Variants in SIPA1L1 observed in about 807,000 individuals in gnomAD.
The protein encoded by SIPA1L1 is signal-induced proliferation-associated 1-like protein 1.
Under a neutral mutation model 162.7 loss-of-function variants are expected in SIPA1L1, and 26 were observed. The observed-to-expected ratio is 0.16, with a 90% CI of 0.12 to 0.22. The LOEUF (loss-of-function observed/expected upper bound fraction) is 0.22. Ranked by LOEUF, SIPA1L1 falls within the 10% of genes least tolerant of loss-of-function variation. The pLI is 1.00. For missense variants in SIPA1L1, 1,874 were observed against 2,241.0 expected (o/e 0.84, Z 3.31); for synonymous variants, 829 against 837.4 (o/e 0.99, Z 0.17).
chr14:71,672,762 G>A (rs2044664657), intron 12 of SIPA1L1, 140 bp downstream of exon 12: 1 of 972,402 alleles, frequency 1.0e-6, no homozygotes, highest in Admixed American at 2.6e-5. Flanking sequence ...TTCATCCATG[G>A]AGTCTGACTC....
intron 8 of SIPA1L1, among the ~76,000 whole-genome samples, chr14:71,652,074 C>T (rs1203717668): frequency 2.6e-5 from 4 of 152,180 alleles, no homozygotes; most frequent in African/African-American, 9.7e-5. Flanking sequence ...TCAAAGAATC[C>T]TTCTGTCCTT....
At chr14:71,628,278 C>T (rs1441698467) in intron 7 of SIPA1L1, among the ~76,000 whole-genome samples, 1 of 152,320 alleles carries the variant, frequency 6.6e-6, no homozygotes, top group African/African-American at 2.4e-5. Context: ...ACCTATATTT[C>T]ATCTACTCTG....
At chr14:71,521,149 G>A (rs2052314206) in intron 3 of SIPA1L1, among the ~76,000 whole-genome samples, 1 of 152,164 alleles carries the variant, frequency 6.6e-6, no homozygotes, top group Non-Finnish European at 1.5e-5. Flanking sequence ...TTATGTTGTA[G>A]GGGAGAAAGA....
chr14:71,615,985 G>A (rs2038792690), intron 5 of SIPA1L1, among the ~76,000 whole-genome samples: 1 of 152,150 alleles, frequency 6.6e-6, no homozygotes, highest in South Asian at 2.1e-4. Flanking sequence ...GACAGAGTGA[G>A]ACTCTGTCTC....
chr14:71,341,167 A>G (rs386472419), intron 2 of SIPA1L1, among the ~76,000 whole-genome samples: 33 of 152,348 alleles, frequency 2.2e-4, no homozygotes, highest in South Asian at 1.4e-3. Context: ...GATGCTTTTA[A>G]TATGAATAGC....
At chr14:71,334,999 G>A (rs1594866607) in intron 2 of SIPA1L1, among the ~76,000 whole-genome samples, 1 of 152,256 alleles carries the variant, frequency 6.6e-6, no homozygotes, top group East Asian at 1.9e-4. Flanking sequence ...CCAGTTGATT[G>A]TTCCTTTAAG....
chr14:71,501,639 A>G (rs1215645314), intron 2 of SIPA1L1, among the ~76,000 whole-genome samples: 1 of 152,186 alleles, frequency 6.6e-6, no homozygotes, highest in Non-Finnish European at 1.5e-5. Flanking sequence ...ATCGAGTAGT[A>G]GTTACAGTGG....
intron 2 of SIPA1L1, among the ~76,000 whole-genome samples, chr14:71,426,339 CTT>C (rs1205102187): frequency 3.3e-5 from 5 of 151,348 alleles, no homozygotes; most frequent in Non-Finnish European, 7.4e-5. Flanking sequence ...TAACTGTTGA[CTT>C]TTGTATTTGT....
At position 71,537,019 on chromosome 14, in the gene SIPA1L1, A is replaced by C. The variant is rs534067305; in HGVS notation, c.-303+7649A>C. Among the ~76,000 whole-genome samples, 4 of 152,228 alleles carry C rather than the reference A, an allele frequency of 2.6e-5. No individual in the cohort carries two copies. The South Asian group carries it at 8.3e-4, about 32-fold the overall frequency. Reference sequence around the variant, plus strand: ...GTTCTGAACTCTTGTCTTCTTATGCACAATGTTAGGGTTGTGCATGGGTTG... The same window carrying C: ...GTTCTGAACTCTTGTCTTCTTATGCCCAATGTTAGGGTTGTGCATGGGTTG... On this transcript the variant is annotated intron_variant, in intron 4 of 23. Transcript: ENST00000381232.
chr14:71,672,539 T>C lies in SIPA1L1; in HGVS notation c.3021T>C (p.His1007=), dbSNP rs2044637502. The change falls in exon 12 of 24, where the codon CAT becomes CAC. Residue 1007 remains histidine (H), a synonymous_variant. Coordinates refer to ENST00000381232, the MANE Select transcript of SIPA1L1 (RefSeq NM_001386936.1). ...AGGTGGCGGTAGCCACTCTGAGCCA[T>C]GAGCAGATGATCGACCTCCTGAGAA... ...ICKVAVATLS[H]EQMIDLLRTS... 1 of 1,614,000 alleles carries C rather than the reference T, an allele frequency of 6.2e-7. No homozygotes were observed. Among genetic ancestry groups the C allele is most frequent in the African/African-American group, 1.3e-5 (1 of 74,888 alleles).
intron 5 of SIPA1L1, among the ~76,000 whole-genome samples, chr14:71,616,101 T>C (rs761285705): frequency 1.3e-5 from 2 of 152,066 alleles, no homozygotes; most frequent in African/African-American, 4.8e-5. Context: ...GAGGTGGCAG[T>C]TGAAGTTCTG....
At chr14:71,571,969 A>C (rs1490603257) in intron 4 of SIPA1L1, among the ~76,000 whole-genome samples, 2 of 151,992 alleles carry the variant, frequency 1.3e-5, no homozygotes, top group African/African-American at 4.8e-5. Flanking sequence ...TTTATTTTTA[A>C]AAAGAATTTA....
chr14:71,526,855 A>C (rs2052929581), intron 3 of SIPA1L1, among the ~76,000 whole-genome samples: 1 of 152,214 alleles, frequency 6.6e-6, no homozygotes, highest in African/African-American at 2.4e-5. Context: ...TTATGTTTGC[A>C]CATTCCCAGG....
At chr14:71,463,362 C>A (rs1266179661) in intron 2 of SIPA1L1, among the ~76,000 whole-genome samples, 1 of 152,144 alleles carries the variant, frequency 6.6e-6, no homozygotes, top group South Asian at 2.1e-4. Flanking sequence ...CGGGGACCCA[C>A]TGTACCCACT....
At chr14:71,393,513 G>A (rs575692445) in intron 2 of SIPA1L1, among the ~76,000 whole-genome samples, 1 of 152,284 alleles carries the variant, frequency 6.6e-6, no homozygotes, top group African/African-American at 2.4e-5. Flanking sequence ...ACTTGCTTTA[G>A]TAATAGCTTT....
Position 71,671,630 on chromosome 14 carries a change from T to A in SIPA1L1, c.2767T>A (p.Cys923Ser). 1 of 1,613,890 alleles carries A rather than the reference T, an allele frequency of 6.2e-7. No individual in the cohort carries two copies. Among genetic ancestry groups the A allele is most frequent in the Non-Finnish European group, 8.5e-7 (1 of 1,179,886 alleles). ...CAAAATCTTCTATGAACGAGGAGAA[T>A]GTGTTTCAGTGGGTAGTTTTATTAA... The part of the protein sequence containing the change: ...SLKIFYERGE[C>S]VSVGSFINIE... Residue 923 changes from cysteine to serine, a missense_variant, in exon 11 of 24, where the codon TGT (cysteine) becomes AGT (serine). Cys to Ser is a moderately radical substitution (Grantham distance 112, BLOSUM62 -1). Around this residue, in one of 5 missense-constraint regions of SIPA1L1, gnomAD observed 243 missense variants for 315.0 expected, o/e 0.77. Transcript: ENST00000381232.
At chr14:71,321,461 C>G (rs539801872) in intron 2 of SIPA1L1, 11 of 152,466 alleles carry the variant, frequency 7.2e-5, no homozygotes, top group Admixed American at 2.6e-4. Context: ...ACCCGCGTCC[C>G]GGTCCGGGCG....
chr14:71,406,196 A>C (rs1349405964), intron 2 of SIPA1L1, among the ~76,000 whole-genome samples: 1 of 152,222 alleles, frequency 6.6e-6, no homozygotes, highest in Non-Finnish European at 1.5e-5. Flanking sequence ...GGCTTGAGCA[A>C]CTGGGAAGAT....
At chr14:71,440,898 G>C (rs1192515473) in intron 2 of SIPA1L1, among the ~76,000 whole-genome samples, 1 of 152,002 alleles carries the variant, frequency 6.6e-6, no homozygotes, top group East Asian at 1.9e-4. Flanking sequence ...GGTAGGTGAA[G>C]GTGCGTGATA....
Sources: gnomAD v4.1 joint callset for allele counts (sites outside exome capture counted in the v4.1 genomes callset) on GRCh38, gnomAD v4.1.1 for gene constraint, gnomAD v4.1.1 regional missense constraint, MANE v1.5 for transcripts, NCBI Gene and HGNC (gene_info 2026-07-23, HGNC 2026-07-21) for gene names.